Variants in ANO10 observed in about 807,000 individuals in gnomAD.
ANO10 encodes the protein anoctamin 10.
ANO10 carries 77 observed loss-of-function variants against 74.7 expected under a neutral mutation model. The ratio of observed to expected loss-of-function variants is 1.03; its 90% CI spans 0.86 to 1.25. The LOEUF is 1.25. ANO10 is among the 50% of genes most tolerant of loss of function. The pLI is 0.00. For missense variants in ANO10, 721 were observed against 778.1 expected (o/e 0.93, Z 0.87); for synonymous variants, 279 against 284.9 (o/e 0.98, Z 0.21).
At chr3:43,475,881 T>C (rs962647595) in intron 11 of ANO10, among the ~76,000 whole-genome samples, 28 of 152,088 alleles carry the variant, frequency 1.8e-4, no homozygotes, top group Admixed American at 3.9e-4. Flanking sequence ...GGATTACAGG[T>C]GTGAACCACC....
At chr3:43,482,717 A>G (rs1050120275) in intron 11 of ANO10, among the ~76,000 whole-genome samples, 2 of 152,280 alleles carry the variant, frequency 1.3e-5, no homozygotes, top group East Asian at 1.9e-4. Context: ...ATAGCTCCTA[A>G]TCTCACATCC....
rs372155221 is a variant in ANO10, at chr3:43,673,029, AAG to A, written c.-12+18486_-12+18487del. Among the ~76,000 whole-genome samples the A allele has an allele frequency of 6.2e-4, 95 of 152,312 alleles. 1 individual carries two copies. In the South Asian group the frequency reaches 0.018, roughly 30 times the overall value. Reference sequence around the variant, plus strand: ...GATTACTAGTTTTGCACTGACTTAGAAGAGTATTTTCACTAACTGCTCATTCA... The same window carrying A: ...GATTACTAGTTTTGCACTGACTTAGAAGTATTTTCACTAACTGCTCATTCA... On this transcript the variant is annotated intron_variant, in intron 1 of 3. Transcript: ENST00000413397.
chr3:43,387,419 C>T (rs2125709442), intron 12 of ANO10, among the ~76,000 whole-genome samples: 1 of 152,200 alleles, frequency 6.6e-6, no homozygotes, highest in African/African-American at 2.4e-5. Flanking sequence ...GCAGGGAGAG[C>T]TTGAGGAGGG....
chr3:43,651,701 CA>C (rs1309801885), intron 1 of ANO10, among the ~76,000 whole-genome samples: 2 of 152,122 alleles, frequency 1.3e-5, no homozygotes, highest in African/African-American at 4.8e-5. Flanking sequence ...AAGATTTTTC[CA>C]ATCATGCCTT....
At chr3:43,389,091 TA>T (rs2092208050) in intron 12 of ANO10, among the ~76,000 whole-genome samples, 1 of 152,240 alleles carries the variant, frequency 6.6e-6, no homozygotes, top group African/African-American at 2.4e-5. Context: ...TGATCCTGCT[TA>T]AACCATATGG....
At chr3:43,606,420 C>G in intron 1 of ANO10, among the ~76,000 whole-genome samples, 1 of 152,062 alleles carries the variant, frequency 6.6e-6, no homozygotes, top group East Asian at 1.9e-4. Flanking sequence ...TGGGCTTTGT[C>G]TAACATACAA....
upstream of ANO10, among the ~76,000 whole-genome samples, chr3:43,623,049 A>G (rs543908441): frequency 6.6e-6 from 1 of 152,190 alleles, no homozygotes; most frequent in African/African-American, 2.4e-5. Flanking sequence ...TATTTTTTGT[A>G]GAGACAGGGT....
At chr3:43,434,835 G>GA (rs2093043077) in intron 11 of ANO10, among the ~76,000 whole-genome samples, 1 of 152,118 alleles carries the variant, frequency 6.6e-6, no homozygotes, top group African/African-American at 2.4e-5. Context: ...CTCATGAATT[G>GA]AAAAAAGTTG....
chr3:43,411,800 T>G (rs1320782887), intron 12 of ANO10, among the ~76,000 whole-genome samples: 2 of 152,144 alleles, frequency 1.3e-5, no homozygotes, highest in Non-Finnish European at 2.9e-5. Context: ...AGCTACTGTT[T>G]TGCAGAGAAA....
intron 1 of ANO10, chr3:43,690,452 T>G (rs1471733281): frequency 6.5e-6 from 1 of 153,200 alleles, no homozygotes; most frequent in Admixed American, 6.5e-5. Flanking sequence ...CCTAGAGCAG[T>G]GCTCAACTGA....
intron 12 of ANO10, among the ~76,000 whole-genome samples, chr3:43,374,434 A>G (rs58216554): frequency 0.026 from 3,929 of 152,310 alleles, 176 homozygotes; most frequent in African/African-American, 0.087. Flanking sequence ...AGAGGCACAT[A>G]AAGGTTGAGA....
chr3:43,662,465 C>A (rs552962237), intron 1 of ANO10, among the ~76,000 whole-genome samples: 2 of 152,128 alleles, frequency 1.3e-5, no homozygotes, highest in Non-Finnish European at 2.9e-5. Flanking sequence ...CAAGAGAGAT[C>A]TAAAATCAAC....
At chr3:43,442,852 T>TGGCTG (rs767267722) in intron 11 of ANO10, among the ~76,000 whole-genome samples, 30 of 152,376 alleles carry the variant, frequency 2.0e-4, no homozygotes, top group South Asian at 4.1e-4. Flanking sequence ...TTTGGTCCTT[T>TGGCTG]GGCTGGGGTT....
chr3:43,523,548 C>T (rs2078053255), intron 11 of ANO10, among the ~76,000 whole-genome samples: 1 of 152,110 alleles, frequency 6.6e-6, no homozygotes, highest in South Asian at 2.1e-4. Flanking sequence ...AGGCTACACA[C>T]AAGGCACTGA....
intron 12 of ANO10, among the ~76,000 whole-genome samples, chr3:43,428,795 G>GAAAAAAAAAA (rs1245373022): frequency 5.9e-4 from 2 of 3,410 alleles, no homozygotes; most frequent in African/African-American, 9.3e-4. Flanking sequence ...CTTTGTGAAT[G>GAAAAAAAAAA]CAAAAAAAAA....
At chr3:43,589,589 G>A (rs2081633061) in intron 4 of ANO10, among the ~76,000 whole-genome samples, 1 of 152,070 alleles carries the variant, frequency 6.6e-6, no homozygotes, top group Non-Finnish European at 1.5e-5. Context: ...ACTCCAGCCT[G>A]GGCAACAGAG....
chr3:43,639,249 A>G (rs1344889947), intron 1 of ANO10, among the ~76,000 whole-genome samples: 1 of 152,204 alleles, frequency 6.6e-6, no homozygotes, highest in Non-Finnish European at 1.5e-5. Flanking sequence ...ATTAGCCTTC[A>G]TCTTTTGAAA....
At chr3:43,395,411 T>A (rs2092358061) in intron 12 of ANO10, among the ~76,000 whole-genome samples, 1 of 152,230 alleles carries the variant, frequency 6.6e-6, no homozygotes, top group Admixed American at 6.5e-5. Context: ...ATTTTATCTT[T>A]TTTTCTGGAA....
Position 43,366,529 on chromosome 3 carries a change from G to A in ANO10, c.*377C>T, listed in dbSNP as rs1366437795. ...CACACCCCATCCCCAACCTGTCCAC[G>A]GGTCCCTGGGCCATGGTGGGGTTGG... On this transcript the variant is annotated 3_prime_UTR_variant, in exon 13 of 13. Transcript: ENST00000292246. The A allele has an allele frequency of 1.3e-5, 5 of 378,374 alleles. No homozygotes were observed. Among genetic ancestry groups the A allele is most frequent in the East Asian group, 6.5e-5 (1 of 15,406 alleles). The allele number at this position is 378,374 out of a possible 1,614,324, so 23.4% of individuals were successfully genotyped here.
Sources: gnomAD v4.1 joint callset for allele counts (sites outside exome capture counted in the v4.1 genomes callset) on GRCh38, gnomAD v4.1.1 for gene constraint, MANE v1.5 for transcripts, NCBI Gene and HGNC (gene_info 2026-07-23, HGNC 2026-07-21) for gene names.